The following PRKAG2 variants were observed in gnomAD, a reference collection of about 807,000 sequenced individuals.
PRKAG2 encodes the protein 5'-AMP-activated protein kinase subunit gamma-2.
A neutral mutation model predicts 69.6 loss-of-function variants in PRKAG2; 26 were observed. The observed-to-expected ratio is 0.37, with a 90% confidence interval of 0.27 to 0.52. The LOEUF is 0.52. Ranked by LOEUF, PRKAG2 falls within the 20% of genes least tolerant of loss-of-function variation. PRKAG2 has a pLI of 0.90. For synonymous variants in PRKAG2, 293 were observed against 285.0 expected (o/e 1.03, Z -0.28); for missense variants, 557 against 740.0 (o/e 0.75, Z 2.87).
At chr7:151,618,753 A>C (rs1820773896) in intron 5 of PRKAG2, among the ~76,000 whole-genome samples, 1 of 152,208 alleles carries the variant, frequency 6.6e-6, no homozygotes, top group African/African-American at 2.4e-5. Context: ...CGACAGAGAG[A>C]GATTCCGTCT....
chr7:151,556,874 C>T lies in PRKAG2; in HGVS notation c.*327G>A, dbSNP rs1803881393. Reference sequence around the variant, plus strand: ...CTGTGATCTGAACATACCGTGCACTCACCTTATGCCACATCACCTGTTCCA... The same window carrying T: ...CTGTGATCTGAACATACCGTGCACTTACCTTATGCCACATCACCTGTTCCA... On this transcript the variant is annotated 3_prime_UTR_variant, in exon 16 of 16. Coordinates refer to ENST00000287878, the MANE Select transcript of PRKAG2 (RefSeq NM_016203.4). 2.6e-6 allele frequency: 1 copy of T among 388,266 alleles called. No individual in the cohort carries two copies. Among genetic ancestry groups the T allele is most frequent in the East Asian group, 6.0e-5 (1 of 16,788 alleles). The allele number at this position is 388,266 out of a possible 1,614,324, so 24.1% of individuals were successfully genotyped here.
At chr7:151,590,185 A>T (rs1047296712) in intron 6 of PRKAG2, among the ~76,000 whole-genome samples, 1 of 152,242 alleles carries the variant, frequency 6.6e-6, no homozygotes, top group Non-Finnish European at 1.5e-5. Context: ...AGAAGCCAGG[A>T]CCAAAGGACT....
In PRKAG2 at chr7:151,632,180, C is replaced by A; in HGVS notation, c.685-42G>T. 4 of 1,253,182 alleles carry A rather than the reference C, an allele frequency of 3.2e-6. No homozygotes were observed. Among genetic ancestry groups the A allele is most frequent in the Middle Eastern group, 2.8e-4 (1 of 3,558 alleles). 77.6% of individuals were successfully genotyped at this position (1,253,182 alleles called of 1,614,324 possible). A position where few individuals can be genotyped will look rare whatever the true frequency, so the allele number is the denominator to read the frequency against. ...GGACAGCGATCAGCATGAGCTGCGA[C>A]GCTCGTCCCCGGCCGGCGGGCTCGC... On this transcript the variant is annotated intron_variant, in intron 4 of 15. Transcript: ENST00000287878. This position sits in a 1 kb window ranked among gnomAD's most constrained non-coding sequence, Gnocchi z 4.2.
chr7:151,598,334 A>C (rs1815146182), intron 5 of PRKAG2, among the ~76,000 whole-genome samples: 1 of 152,160 alleles, frequency 6.6e-6, no homozygotes. Context: ...GAGGTTGGTC[A>C]GTTACAGTCA....
At chr7:151,734,061 C>T (rs367896545) in intron 3 of PRKAG2, among the ~76,000 whole-genome samples, 10 of 151,900 alleles carry the variant, frequency 6.6e-5, no homozygotes, top group Non-Finnish European at 1.2e-4. Context: ...CTCGATTAGA[C>T]GCCGCTCTCT....
chr7:151,669,346 C>T (rs923415160), intron 4 of PRKAG2, among the ~76,000 whole-genome samples: 4 of 152,212 alleles, frequency 2.6e-5, no homozygotes, highest in Admixed American at 2.6e-4. Context: ...TAAAAGTATC[C>T]TTGCCGAAGT....
chr7:151,737,573 G>A (rs1586184326), intron 3 of PRKAG2, among the ~76,000 whole-genome samples: 1 of 152,080 alleles, frequency 6.6e-6, no homozygotes, highest in Non-Finnish European at 1.5e-5. Flanking sequence ...TATTATCTAC[G>A]GCTCGTCCGA....
chr7:151,773,048 AGAGAGGGAGGGAGGGAGGGAGGGAGG>A (rs1205458820), intron 3 of PRKAG2, among the ~76,000 whole-genome samples: 7 of 34,524 alleles, frequency 2.0e-4, no homozygotes, highest in African/African-American at 9.6e-4. Flanking sequence ...AGAGAGAGAG[AGAGAGGGAGGGAGGGAGGGAGGGAGG>A]GAGGGAGGGA....
intron 4 of PRKAG2, among the ~76,000 whole-genome samples, chr7:151,637,707 G>GTTTTT (rs78930256): frequency 2.8e-5 from 4 of 141,800 alleles, no homozygotes; most frequent in Non-Finnish European, 1.5e-5. Flanking sequence ...AAGTCATGAG[G>GTTTTT]TTTTTTTTTT....
intron 4 of PRKAG2, among the ~76,000 whole-genome samples, chr7:151,653,195 A>T (rs1828830991): frequency 4.0e-5 from 6 of 150,834 alleles, no homozygotes; most frequent in Admixed American, 3.9e-4. Flanking sequence ...TGTTCCCTTT[A>T]TCTCAACCAC....
chr7:151,768,749 G>A (rs965140163), intron 3 of PRKAG2, among the ~76,000 whole-genome samples: 4 of 152,264 alleles, frequency 2.6e-5, no homozygotes, highest in African/African-American at 4.8e-5. Flanking sequence ...TTGTAGGCGT[G>A]AGCCACTGCA....
intron 4 of PRKAG2, among the ~76,000 whole-genome samples, chr7:151,660,610 A>T (rs1167440458): frequency 6.6e-6 from 1 of 152,234 alleles, no homozygotes; most frequent in African/African-American, 2.4e-5. Flanking sequence ...TGAAAATAAG[A>T]CTTGAAAAGA....
At chr7:151,606,017 A>G (rs1817491393) in intron 5 of PRKAG2, among the ~76,000 whole-genome samples, 1 of 151,872 alleles carries the variant, frequency 6.6e-6, no homozygotes, top group Admixed American at 6.6e-5. Flanking sequence ...ACTACACTCC[A>G]GCCTGGGGAA....
At chr7:151,688,744 C>T (rs186020438) in intron 3 of PRKAG2, among the ~76,000 whole-genome samples, 5 of 152,182 alleles carry the variant, frequency 3.3e-5, no homozygotes, top group Admixed American at 1.3e-4. Context: ...CTTCAACTTT[C>T]TTGAATCTCA....
intron 3 of PRKAG2, among the ~76,000 whole-genome samples, chr7:151,692,875 G>A (rs932012430): frequency 2.6e-5 from 4 of 152,170 alleles, no homozygotes; most frequent in Non-Finnish European, 4.4e-5. Flanking sequence ...ACCAGGGGGC[G>A]GGGGAGTGCG....
intron 6 of PRKAG2, among the ~76,000 whole-genome samples, chr7:151,592,587 T>C (rs961233384): frequency 1.3e-5 from 2 of 152,226 alleles, no homozygotes; most frequent in Non-Finnish European, 2.9e-5. Context: ...TGGCTCGCCT[T>C]GGTCCCTAGA....
At chr7:151,776,537 G>A (rs2076357681) in intron 3 of PRKAG2, among the ~76,000 whole-genome samples, 2 of 152,218 alleles carry the variant, frequency 1.3e-5, no homozygotes, top group Admixed American at 1.3e-4. Context: ...AAGAGCTGCA[G>A]TGCCTGACTC....
intron 3 of PRKAG2, among the ~76,000 whole-genome samples, chr7:151,744,475 G>GC: frequency 6.6e-6 from 1 of 152,220 alleles, no homozygotes; most frequent in Non-Finnish European, 1.5e-5. Flanking sequence ...AGGCCGAGCT[G>GC]CCTCCTACTC....
At chr7:151,747,466 A>C (rs2074355087) in intron 3 of PRKAG2, among the ~76,000 whole-genome samples, 1 of 152,152 alleles carries the variant, frequency 6.6e-6, no homozygotes, top group Non-Finnish European at 1.5e-5. Context: ...CTGAGGCAGG[A>C]GAATCGCTTG....
Sources: allele counts gnomAD v4.1 joint callset (sites outside exome capture counted in the v4.1 genomes callset), GRCh38; gene constraint gnomAD v4.1.1; non-coding constraint Gnocchi (gnomAD v3.1); transcripts MANE v1.5; gene names NCBI Gene and HGNC (gene_info 2026-07-23, HGNC 2026-07-21).